The following SHISAL2B variants were observed in gnomAD, a reference collection of about 807,000 sequenced individuals.
The protein encoded by SHISAL2B is shisa like 2B.
SHISAL2B carries 12 observed loss-of-function variants against 16.5 expected under a neutral mutation model. The observed-to-expected ratio is 0.73, with a 90% CI of 0.47 to 1.18. The LOEUF (loss-of-function observed/expected upper bound fraction) is 1.18. Ranked by LOEUF, SHISAL2B falls within the 50% of genes most tolerant of loss-of-function variation. The pLI is 0.00. For missense variants in SHISAL2B, 183 were observed against 193.6 expected, an observed-to-expected ratio of 0.95 and a Z score of 0.33; for synonymous variants, 72 against 75.0, an observed-to-expected ratio of 0.96 and a Z score of 0.21.
At chr5:64,697,064 G>T (rs865817893) in intron 2 of SHISAL2B, among the ~76,000 whole-genome samples, 2 of 152,204 alleles carry the variant, frequency 1.3e-5, no homozygotes, top group Middle Eastern at 3.2e-3. Flanking sequence ...AGGCCCAGCT[G>T]TAAAATTCCT....
intron 1 of SHISAL2B, 116 bp from the exon 2 acceptor site, chr5:64,695,391 A>G (rs937600048): frequency 9.8e-6 from 6 of 614,280 alleles, no homozygotes; most frequent in African/African-American, 9.3e-5. Context: ...ATGCTAAAAT[A>G]CAATTTGGTT....
intron 1 of SHISAL2B, chr5:64,694,083 A>T (rs1030335529): frequency 2.2e-6 from 1 of 455,870 alleles, no homozygotes; most frequent in South Asian, 1.6e-5. Context: ...CCCTTTTGGT[A>T]CAGGTCAAAC....
intron 2 of SHISAL2B, among the ~76,000 whole-genome samples, chr5:64,712,749 A>T (rs1369924531): frequency 6.6e-6 from 1 of 152,162 alleles, no homozygotes; most frequent in Non-Finnish European, 1.5e-5. Flanking sequence ...TATATTTAGG[A>T]TAATTAGCTC....
intron 2 of SHISAL2B, among the ~76,000 whole-genome samples, chr5:64,707,592 A>T (rs1439636336): frequency 6.6e-6 from 1 of 152,256 alleles, no homozygotes; most frequent in Non-Finnish European, 1.5e-5. Flanking sequence ...GCACTTACAC[A>T]AATAACTATA....
Position 64,713,391 on chromosome 5 carries a change from G to T in SHISAL2B, c.350-4498G>T, listed in dbSNP as rs1298794170. ...CCCCCACTCTCTTCTGGCTTGTAGG[G>T]TTTCTGTCAAGAGATCCGCTGTTAG... On this transcript the variant is annotated intron_variant, in intron 2 of 2. Transcript: ENST00000389074. Among the ~76,000 whole-genome samples the T allele has an allele frequency of 1.6e-4, 14 of 86,378 alleles. 4 individuals carry two copies. The highest frequency in any genetic ancestry group is 1.4e-3 in the African/African-American group (14 of 9,864). The allele number at this position is 86,378 out of a possible 152,430, so 56.7% of individuals were successfully genotyped here.
intron 1 of SHISAL2B, among the ~76,000 whole-genome samples, chr5:64,693,014 T>C (rs1485501171): frequency 1.4e-5 from 2 of 143,292 alleles, no homozygotes; most frequent in African/African-American, 5.1e-5. Flanking sequence ...TTTCTTCTCC[T>C]TTTTTTTTTT....
At chr5:64,717,200 T>C (rs1742068799) in intron 2 of SHISAL2B, among the ~76,000 whole-genome samples, 1 of 152,206 alleles carries the variant, frequency 6.6e-6, no homozygotes, top group Non-Finnish European at 1.5e-5. Flanking sequence ...AACTGGACTG[T>C]GCATTTAGCA....
At chr5:64,697,954 G>A (rs1309749725) in intron 2 of SHISAL2B, among the ~76,000 whole-genome samples, 2 of 152,152 alleles carry the variant, frequency 1.3e-5, no homozygotes, top group Non-Finnish European at 2.9e-5. Flanking sequence ...ACAGAACAAG[G>A]GGGCCAAGAT....
At chr5:64,701,127 A>C (rs1458468531) in intron 2 of SHISAL2B, among the ~76,000 whole-genome samples, 2 of 152,262 alleles carry the variant, frequency 1.3e-5, no homozygotes, top group Non-Finnish European at 2.9e-5. Context: ...AGTAGTTCTT[A>C]TTCTGTGTTG....
chr5:64,691,884 T>A (rs1741655616), intron 1 of SHISAL2B, among the ~76,000 whole-genome samples: 1 of 152,222 alleles, frequency 6.6e-6, no homozygotes, highest in East Asian at 1.9e-4. Flanking sequence ...ATTGTGATTA[T>A]GTCTCCCAGT....
At chr5:64,716,868 A>T (rs1162734209) in intron 2 of SHISAL2B, among the ~76,000 whole-genome samples, 2 of 152,202 alleles carry the variant, frequency 1.3e-5, no homozygotes, top group African/African-American at 2.4e-5. Context: ...AGAGGGCATG[A>T]TTCAACTTAT....
chr5:64,712,995 C>A (rs1167608140), intron 2 of SHISAL2B, among the ~76,000 whole-genome samples: 3 of 152,154 alleles, frequency 2.0e-5, no homozygotes, highest in Non-Finnish European at 4.4e-5. Flanking sequence ...CTTTATGCAA[C>A]TTGCCAGTCT....
At chr5:64,693,007 C>A (rs1470449902) in intron 1 of SHISAL2B, among the ~76,000 whole-genome samples, 2 of 151,876 alleles carry the variant, frequency 1.3e-5, no homozygotes, top group South Asian at 2.1e-4. Context: ...AGCAACATTT[C>A]TTCTCCTTTT....
At chr5:64,693,493 C>T (rs929418744) in intron 1 of SHISAL2B, among the ~76,000 whole-genome samples, 25 of 152,132 alleles carry the variant, frequency 1.6e-4, no homozygotes, top group African/African-American at 5.3e-4. Context: ...GTTAATTAAA[C>T]TAACAATTTT....
chr5:64,711,359 G>C (rs1454188063), intron 2 of SHISAL2B, among the ~76,000 whole-genome samples: 1 of 149,884 alleles, frequency 6.7e-6, no homozygotes, highest in Non-Finnish European at 1.5e-5. Context: ...TGCGTATATT[G>C]AACCAGCCTT....
intron 2 of SHISAL2B, among the ~76,000 whole-genome samples, chr5:64,697,037 T>C (rs977141133): frequency 1.3e-5 from 2 of 152,218 alleles, no homozygotes; most frequent in African/African-American, 4.8e-5. Flanking sequence ...CCTACTGATA[T>C]GTGATGTCAC....
chr5:64,695,516 C>T lies in SHISAL2B; in HGVS notation c.201C>T (p.Ala67=). 1.3e-6 allele frequency: 2 copies of T among 1,533,458 alleles called. No individual in the cohort carries two copies. The highest frequency in any genetic ancestry group is 1.7e-6 in the Non-Finnish European group (2 of 1,145,274). 95.0% of individuals were successfully genotyped at this position (1,533,458 alleles called of 1,614,324 possible). A position where few individuals can be genotyped will look rare whatever the true frequency, so the allele number is the denominator to read the frequency against. The change falls in exon 2 of 3, where the codon GCC becomes GCT. Residue 67 remains alanine (A), a synonymous_variant. Coordinates refer to ENST00000389074, the MANE Select transcript of SHISAL2B (RefSeq NM_001164442.2). ...TTTCTGTTTTCCTCAGCATTGGTGC[C>T]TTGATTGGACTAGGAATTGCTGCCC... is the stretch of plus-strand genomic sequence containing the variant. ...HSYMWSLSIG[A]LIGLGIAALV... is the part of the protein sequence containing the mutation.
chr5:64,717,322 T>C (rs1347231309), intron 2 of SHISAL2B, among the ~76,000 whole-genome samples: 2 of 152,236 alleles, frequency 1.3e-5, no homozygotes, highest in African/African-American at 4.8e-5. Flanking sequence ...ATTCAACTTT[T>C]CCTAACACTG....
Position 64,691,374 on chromosome 5 carries a change from AGT to A in SHISAL2B, c.191+587_191+588del, listed in dbSNP as rs55773294. 4.7e-3 allele frequency: 658 copies of A among 140,072 alleles called. 2 individuals are homozygous for A. The highest frequency in any genetic ancestry group is 0.011 in the Middle Eastern group (3 of 276). 8.7% of individuals were successfully genotyped at this position (140,072 alleles called of 1,614,324 possible). On this transcript the variant is annotated intron_variant, in intron 1 of 2. Coordinates refer to ENST00000389074, the MANE Select transcript of SHISAL2B (RefSeq NM_001164442.2). ...TTTAAAATACATGTATATTTTTAAA[AGT>A]GTGTGTGTGTGTGTGTGTGTGTGTG... is the stretch of plus-strand genomic sequence containing the variant.
Sources: gnomAD v4.1 joint callset for allele counts (sites outside exome capture counted in the v4.1 genomes callset) on GRCh38, gnomAD v4.1.1 for gene constraint, MANE v1.5 for transcripts, NCBI Gene and HGNC (gene_info 2026-07-23, HGNC 2026-07-21) for gene names.